EXOSC7: variants seen among roughly 807,000 people sequenced by gnomAD.
The protein encoded by EXOSC7 is exosome component 7.
Under a neutral mutation model 34.3 loss-of-function variants are expected in EXOSC7, and 25 were observed. That is an observed-to-expected ratio of 0.73 (90% CI 0.53 to 1.02). EXOSC7 has a LOEUF of 1.02. Among genes scored for constraint, EXOSC7 ranks in the 50% least tolerant of loss-of-function variants. EXOSC7 has a pLI of 0.00. For synonymous variants in EXOSC7, 130 were observed against 143.0 expected (o/e 0.91, Z 0.65); for missense variants, 370 against 368.5 (o/e 1.00, Z -0.03).
chr3:45,011,439 T>G lies in EXOSC7; in HGVS notation c.*100T>G, dbSNP rs376390494. 2.7e-5 allele frequency: 20 copies of G among 747,698 alleles called. No homozygotes were observed. Among genetic ancestry groups the G allele is most frequent in the East Asian group, 2.6e-4 (9 of 35,188 alleles). The allele number at this position is 747,698 out of a possible 1,614,324, so 46.3% of individuals were successfully genotyped here. On this transcript the variant is annotated 3_prime_UTR_variant, in exon 8 of 8. Transcript: ENST00000265564. ...GCTGTTACGAATTTACAGCAGCATT[T>G]GTACATGTAAAATTAAAGGCTATTT...
Position 44,989,157 on chromosome 3 carries a change from T to C in EXOSC7, c.75T>C (p.Asp25=). 1 of 1,614,070 alleles carries C rather than the reference T, an allele frequency of 6.2e-7. No homozygotes were observed. Among genetic ancestry groups the C allele is most frequent in the African/African-American group, 1.3e-5 (1 of 75,044 alleles). Residue 25 remains aspartate, a synonymous_variant, in exon 2 of 8, where the codon GAT becomes GAC. Coordinates refer to ENST00000265564, the MANE Select transcript of EXOSC7 (RefSeq NM_015004.4). The part of the protein sequence containing the change: ...VHGVQEDLRV[D]GRGCEDYRCV... The stretch of plus-strand genomic sequence containing the variant: ...ACACCTAGGAAGACCTCCGTGTGGA[T>C]GGCCGTGGCTGTGAGGACTACCGAT...
chr3:45,001,702 T>A, intron 5 of EXOSC7, 94 bp downstream of exon 5: 2 of 889,654 alleles, frequency 2.2e-6, no homozygotes, highest in South Asian at 1.4e-5. Context: ...GTAGCTCATA[T>A]GTGAAGATAA....
intron 5 of EXOSC7, chr3:45,001,836 A>C (rs1287778706): frequency 6.7e-6 from 3 of 445,448 alleles, no homozygotes; most frequent in African/African-American, 6.1e-5. Context: ...TTATTTTTAT[A>C]AATAGACACC....
intron 5 of EXOSC7, 26 bp from the exon 6 acceptor site, chr3:45,005,265 A>G (rs1707001043): frequency 6.3e-7 from 1 of 1,591,916 alleles, no homozygotes. Flanking sequence ...TCCAAGTGGG[A>G]ATTTTACTAG....
chr3:44,980,043 A>G (rs926756450), intron 1 of EXOSC7, among the ~76,000 whole-genome samples: 1 of 151,994 alleles, frequency 6.6e-6, no homozygotes, highest in African/African-American at 2.4e-5. Context: ...AGGGGAGGAA[A>G]CAGTATTACC....
At chr3:44,998,031 G>C (rs868665557) in intron 4 of EXOSC7, among the ~76,000 whole-genome samples, 1 of 142,778 alleles carries the variant, frequency 7.0e-6, no homozygotes, top group Non-Finnish European at 1.5e-5. Flanking sequence ...ATTTTTTTTT[G>C]TTTTTTTGTT....
intron 6 of EXOSC7, among the ~76,000 whole-genome samples, chr3:45,006,404 G>GTTTTTTTTTTT (rs545281987): frequency 1.2e-3 from 72 of 61,728 alleles, no homozygotes; most frequent in Non-Finnish European, 1.8e-3. Flanking sequence ...TTGTTTATTT[G>GTTTTTTTTTTT]TTTTTTTTTT....
intron 7 of EXOSC7, among the ~76,000 whole-genome samples, chr3:45,009,782 G>A (rs753120970): frequency 6.6e-5 from 10 of 152,064 alleles, no homozygotes; most frequent in African/African-American, 2.4e-4. Context: ...TCCTGACCTT[G>A]TGATCTGCCT....
chr3:44,995,497 G>C (rs1368626533), intron 3 of EXOSC7, among the ~76,000 whole-genome samples: 1 of 152,214 alleles, frequency 6.6e-6, no homozygotes, highest in Non-Finnish European at 1.5e-5. Context: ...CTCTGTAGAT[G>C]TATTTTTAAG....
intron 1 of EXOSC7, among the ~76,000 whole-genome samples, chr3:44,982,094 T>C (rs558812367): frequency 2.0e-5 from 3 of 152,288 alleles, no homozygotes; most frequent in South Asian, 4.1e-4. Context: ...TTCCCTTCTT[T>C]GTAGAATCTG....
chr3:44,977,745 C>T (rs952992513), intron 1 of EXOSC7, among the ~76,000 whole-genome samples: 1 of 152,132 alleles, frequency 6.6e-6, no homozygotes, highest in South Asian at 2.1e-4. Flanking sequence ...TACGGATAAC[C>T]GTTTTCCTCT....
chr3:44,996,985 G>A, intron 3 of EXOSC7, 102 bp from the exon 4 acceptor site: 1 of 1,193,460 alleles, frequency 8.4e-7, no homozygotes, highest in Admixed American at 2.0e-5. Flanking sequence ...TCGAGCAGCT[G>A]GCTCTTCCAG....
At chr3:44,998,191 A>G (rs980237029) in intron 4 of EXOSC7, among the ~76,000 whole-genome samples, 1 of 151,818 alleles carries the variant, frequency 6.6e-6, no homozygotes, top group Non-Finnish European at 1.5e-5. Flanking sequence ...ACATGTCACC[A>G]TGCCTGGCTC....
chr3:44,980,052 C>A (rs1706234193), intron 1 of EXOSC7, among the ~76,000 whole-genome samples: 1 of 151,740 alleles, frequency 6.6e-6, no homozygotes, highest in Non-Finnish European at 1.5e-5. Context: ...AACAGTATTA[C>A]CACATTTCAG....
chr3:45,005,974 C>G (rs1707025705), intron 6 of EXOSC7, among the ~76,000 whole-genome samples: 1 of 150,810 alleles, frequency 6.6e-6, no homozygotes, highest in Non-Finnish European at 1.5e-5. Flanking sequence ...CAAAATAAAG[C>G]TAAACAGGTC....
chr3:44,989,215 A>C lies in EXOSC7; in HGVS notation c.133A>C (p.Thr45Pro). ...AGTGGAAACTGATGTGGTGTCCAAC[A>C]CTAGTGGGTCCGCCAGGGTCAAGCT... Reference protein sequence around the residue: ...VEVETDVVSNTSGSARVKLGH... With the variant: ...VEVETDVVSNPSGSARVKLGH... The change falls in exon 2 of 8, where the codon ACT becomes CCT. Residue 45 changes from threonine (T) to proline (P), a missense_variant. Thr to Pro is a conservative substitution (Grantham distance 38). Around this residue, in one of 3 missense-constraint regions of EXOSC7, gnomAD observed 95 missense variants for 79.8 expected, o/e 1.19. Coordinates refer to ENST00000265564, the MANE Select transcript of EXOSC7 (RefSeq NM_015004.4). 1 of 1,614,094 alleles carries C rather than the reference A, an allele frequency of 6.2e-7. No individual in the cohort carries two copies.
At chr3:45,007,639 C>G in intron 7 of EXOSC7, 64 bp downstream of exon 7, 1 of 1,474,210 alleles carries the variant, frequency 6.8e-7, no homozygotes, top group Middle Eastern at 1.9e-4. Context: ...TTCCTGCTCC[C>G]TTGGTCATAC....
At chr3:44,995,965 C>G (rs935953039) in intron 3 of EXOSC7, among the ~76,000 whole-genome samples, 5 of 152,126 alleles carry the variant, frequency 3.3e-5, no homozygotes, top group Admixed American at 3.3e-4. Context: ...GGTTTGAGGT[C>G]GCCTTTAAAC....
At chr3:44,993,349 G>A (rs1051283174) in intron 3 of EXOSC7, among the ~76,000 whole-genome samples, 2 of 152,082 alleles carry the variant, frequency 1.3e-5, no homozygotes, top group Non-Finnish European at 2.9e-5. Flanking sequence ...GGAGGGGTAA[G>A]GCCCAGGTCA....
Sources: gnomAD v4.1 joint callset for allele counts (sites outside exome capture counted in the v4.1 genomes callset) on GRCh38, gnomAD v4.1.1 for gene constraint, gnomAD v4.1.1 regional missense constraint, MANE v1.5 for transcripts, NCBI Gene and HGNC (gene_info 2026-07-23, HGNC 2026-07-21) for gene names.